The following DOCK4 variants were observed in gnomAD, a reference collection of about 807,000 sequenced individuals.
The protein encoded by DOCK4 is dedicator of cytokinesis 4, also known as dedicator of cytokinesis protein 4.
In DOCK4, 97 loss-of-function variants were observed where a neutral mutation model predicts 268.1. The ratio of observed to expected loss-of-function variants is 0.36; its 90% CI spans 0.31 to 0.43. The LOEUF is 0.43. Among genes scored for constraint, DOCK4 ranks in the 20% least tolerant of loss-of-function variants. DOCK4 has a pLI of 1.00. For synonymous variants in DOCK4, 954 were observed against 887.2 expected (o/e 1.08, Z -1.34); for missense variants, 2,145 against 2,455.7 (o/e 0.87, Z 2.67).
chr7:111,782,425 G>A (rs989355496), intron 35 of DOCK4, among the ~76,000 whole-genome samples: 1 of 152,166 alleles, frequency 6.6e-6, no homozygotes, highest in Non-Finnish European at 1.5e-5. Flanking sequence ...CAAAAGAAGA[G>A]ATCACTAATA....
At chr7:111,953,677 T>C (rs1006532874) in intron 8 of DOCK4, 1 of 152,272 alleles carries the variant, frequency 6.6e-6, no homozygotes, top group African/African-American at 2.4e-5. Flanking sequence ...TTGCCTCTCT[T>C]AGACCATGTA....
intron 1 of DOCK4, among the ~76,000 whole-genome samples, chr7:112,091,639 A>G (rs1809637310): frequency 1.3e-5 from 2 of 152,156 alleles, no homozygotes; most frequent in Admixed American, 6.6e-5. Context: ...GCAGAGCCCA[A>G]TCCGAAAAGA....
rs1289571051 is a variant in DOCK4, at chr7:111,945,807, G to GA, written c.702-10dup. ...TCAAGAAAAATCTCTCACTACAAGAGAAAAAATGTTTAACAATTTGAAAAT... is the reference window on the plus strand; with the variant it reads ...TCAAGAAAAATCTCTCACTACAAGAGAAAAAAATGTTTAACAATTTGAAAAT... On this transcript the variant is annotated splice_polypyrimidine_tract_variant and intron_variant, in intron 8 of 52. Transcript: ENST00000428084. The GA allele has an allele frequency of 1.3e-6, 2 of 1,567,334 alleles. No individual in the cohort carries two copies. The highest frequency in any genetic ancestry group is 2.4e-5 in the South Asian group (2 of 84,922).
At chr7:111,988,939 C>A in intron 6 of DOCK4, 76 bp downstream of exon 6, 3 of 1,521,338 alleles carry the variant, frequency 2.0e-6, no homozygotes, top group South Asian at 1.2e-5. Context: ...GTGACATTAC[C>A]ACGTTCTGGC....
chr7:112,086,076 A>C lies in DOCK4; in HGVS notation c.38-81945T>G, dbSNP rs1050103625. Among the ~76,000 whole-genome samples the C allele has an allele frequency of 9.2e-5, 14 of 152,158 alleles. 1 individual carries two copies. The South Asian group carries it at 2.9e-3, about 31-fold the overall frequency. ...ATGTATACTGGAGTATTTTGAGGTAATATAACACCATATTTAGGATTTGCT... is the reference window on the plus strand; with the variant it reads ...ATGTATACTGGAGTATTTTGAGGTACTATAACACCATATTTAGGATTTGCT... On this transcript the variant is annotated intron_variant, in intron 1 of 52. Transcript: ENST00000428084.
chr7:112,125,818 G>GT (rs367577805), intron 1 of DOCK4, among the ~76,000 whole-genome samples: 273 of 149,764 alleles, frequency 1.8e-3, no homozygotes, highest in African/African-American at 5.3e-3. Flanking sequence ...TTTGTTTTTT[G>GT]TTTTTTTTTG....
intron 27 of DOCK4, among the ~76,000 whole-genome samples, chr7:111,815,870 C>T (rs1001105419): frequency 6.6e-6 from 1 of 152,042 alleles, no homozygotes; most frequent in Non-Finnish European, 1.5e-5. Flanking sequence ...GGGGTTTTGC[C>T]ATGTTGGCCA....
intron 12 of DOCK4, among the ~76,000 whole-genome samples, chr7:111,928,163 C>T (rs1206234235): frequency 2.0e-5 from 3 of 152,138 alleles, no homozygotes; most frequent in African/African-American, 7.2e-5. Flanking sequence ...TCTTTTGTTA[C>T]TCTGTCTTTT....
chr7:112,204,130 T>C (rs1451609205), intron 1 of DOCK4, among the ~76,000 whole-genome samples: 3 of 151,978 alleles, frequency 2.0e-5, no homozygotes, highest in African/African-American at 7.3e-5. Flanking sequence ...GCCCAAAACA[T>C]TTGACTGATA....
chr7:111,809,051 T>C (rs1800880488), intron 29 of DOCK4, among the ~76,000 whole-genome samples, 172 bp from the exon 30 acceptor site: 1 of 152,246 alleles, frequency 6.6e-6, no homozygotes, highest in African/African-American at 2.4e-5. Flanking sequence ...TGTAAACCTT[T>C]TAGTAAAAGA....
At chr7:112,138,407 T>C (rs1419223727) in intron 1 of DOCK4, among the ~76,000 whole-genome samples, 1 of 152,238 alleles carries the variant, frequency 6.6e-6, no homozygotes, top group Non-Finnish European at 1.5e-5. Context: ...TTACTTTTGA[T>C]AGGCTTTCTC....
intron 41 of DOCK4, among the ~76,000 whole-genome samples, chr7:111,756,608 G>C (rs1797038149): frequency 6.6e-6 from 1 of 152,110 alleles, no homozygotes; most frequent in South Asian, 2.1e-4. Context: ...GCTGCCTTTG[G>C]TATGAGCTGC....
intron 1 of DOCK4, among the ~76,000 whole-genome samples, chr7:112,044,611 A>G (rs1804669725): frequency 6.6e-6 from 1 of 152,120 alleles, no homozygotes; most frequent in African/African-American, 2.4e-5. Flanking sequence ...CAGGTCTAAA[A>G]TCAAGTTCTT....
At position 111,728,098 on chromosome 7, in the gene DOCK4, G is replaced by A. The variant is rs1794769278; in HGVS notation, c.*176C>T. 5 of 466,300 alleles carry A rather than the reference G, an allele frequency of 1.1e-5. No homozygotes were observed. Among genetic ancestry groups the A allele is most frequent in the Non-Finnish European group, 1.4e-5 (4 of 286,766 alleles). The allele number at this position is 466,300 out of a possible 1,614,324, so 28.9% of individuals were successfully genotyped here. A position where few individuals can be genotyped will look rare whatever the true frequency, so the allele number is the denominator to read the frequency against. ...AGCCATACTTCATTTAACATCTGGCGTTTTAGATCAGCAACTTTTAATATT... is the reference window on the plus strand; with the variant it reads ...AGCCATACTTCATTTAACATCTGGCATTTTAGATCAGCAACTTTTAATATT... On this transcript the variant is annotated 3_prime_UTR_variant, in exon 53 of 53. Transcript: ENST00000428084.
intron 1 of DOCK4, among the ~76,000 whole-genome samples, chr7:112,079,578 A>G (rs954403848): frequency 1.3e-5 from 2 of 152,194 alleles, no homozygotes; most frequent in Non-Finnish European, 2.9e-5. Flanking sequence ...GAGGACAGGA[A>G]AGGGTCTAGA....
chr7:111,889,076 C>A (rs2134338204), intron 16 of DOCK4, among the ~76,000 whole-genome samples: 1 of 152,256 alleles, frequency 6.6e-6, no homozygotes, highest in Admixed American at 6.5e-5. Context: ...CTGCAGGTCA[C>A]TTAACTATCC....
At chr7:112,121,016 T>C (rs1342421512) in intron 1 of DOCK4, among the ~76,000 whole-genome samples, 1 of 152,208 alleles carries the variant, frequency 6.6e-6, no homozygotes, top group Admixed American at 6.5e-5. Flanking sequence ...ATTCACCCCA[T>C]GATCTCAGTC....
rs917904625 is a variant in DOCK4, at chr7:111,823,204, C to CTTTTT, written c.2836-753_2836-749dup. ...GCTATCATCAGACATGGAAATATTA[C>CTTTTT]TTTTTTTTTTTTTTTTTTTTTTAGA... is the stretch of plus-strand genomic sequence containing the variant. On this transcript the variant is annotated intron_variant, in intron 26 of 52. Coordinates refer to ENST00000428084, the MANE Select transcript of DOCK4 (RefSeq NM_001363540.2). Among the ~76,000 whole-genome samples the CTTTTT allele has an allele frequency of 7.2e-4, 84 of 116,262 alleles. 3 individuals are homozygous for CTTTTT. The highest frequency in any genetic ancestry group is 2.9e-3 in the African/African-American group (80 of 27,514). 76.3% of individuals were successfully genotyped at this position (116,262 alleles called of 152,430 possible). A position where few individuals can be genotyped will look rare whatever the true frequency, so the allele number is the denominator to read the frequency against.
chr7:112,104,644 T>C (rs891720906), intron 1 of DOCK4, among the ~76,000 whole-genome samples: 7 of 152,200 alleles, frequency 4.6e-5, no homozygotes, highest in African/African-American at 1.7e-4. Flanking sequence ...AAGTATAAAA[T>C]ACCATTTTTT....
Sources: gnomAD v4.1 joint callset for allele counts (sites outside exome capture counted in the v4.1 genomes callset) on GRCh38, gnomAD v4.1.1 for gene constraint, MANE v1.5 for transcripts, NCBI Gene and HGNC (gene_info 2026-07-23, HGNC 2026-07-21) for gene names.